C3: variants seen among roughly 807,000 people sequenced by gnomAD.
The protein encoded by C3 is C3 and PZP-like alpha-2-macroglobulin domain-containing protein 1.
C3 carries 97 observed loss-of-function variants against 207.9 expected under a neutral mutation model. That is an observed-to-expected ratio of 0.47 (90% CI 0.40 to 0.55). The LOEUF is 0.55. Ranked by LOEUF, C3 falls within the 20% of genes least tolerant of loss-of-function variation. The pLI is 0.00. For synonymous variants in C3, 848 were observed against 857.6 expected, an observed-to-expected ratio of 0.99 and a Z score of 0.20; for missense variants, 1,684 against 2,171.7, an observed-to-expected ratio of 0.78 and a Z score of 4.46.
At chr19:6,718,530 T>G in intron 2 of C3, 118 bp from the exon 3 acceptor site, 1 of 1,208,240 alleles carries the variant, frequency 8.3e-7, no homozygotes, top group Non-Finnish European at 1.2e-6. Context: ...TCTTCCGAGG[T>G]GGCCGTTTTG....
rs772989171 is a variant in C3 at position 6,707,834 on chromosome 19, C to T, written c.1941G>A (p.Thr647=). 1.7e-5 allele frequency: 27 copies of T among 1,613,778 alleles called. No individual in the cohort carries two copies. The highest frequency in any genetic ancestry group is 1.6e-4 in the Middle Eastern group (1 of 6,062). ...GGGCGGTCTGCTGGCCACTGCTGCTCGTGAAGGTCAGCCCTGCGTCGGAGA... is the reference window on the plus strand; with the variant it reads ...GGGCGGTCTGCTGGCCACTGCTGCTTGTGAAGGTCAGCCCTGCGTCGGAGA... ...GVFSDAGLTF[T]SSSGQQTAQR... is the part of the protein sequence containing the mutation. The change falls in exon 15 of 41, where the codon ACG becomes ACA. Residue 647 remains threonine (T), a synonymous_variant. Coordinates refer to ENST00000245907, the MANE Select transcript of C3 (RefSeq NM_000064.4).
chr19:6,698,322 C>G (rs998262015), intron 19 of C3, among the ~76,000 whole-genome samples: 1 of 151,916 alleles, frequency 6.6e-6, no homozygotes, highest in African/African-American at 2.4e-5. Flanking sequence ...CCGGAGTTAC[C>G]ACTATTTAAT....
At chr19:6,700,569 GATATATTATATATGTAATATATAATA>G (rs1967641794) in intron 19 of C3, among the ~76,000 whole-genome samples, 2 of 29,778 alleles carry the variant, frequency 6.7e-5, no homozygotes, top group African/African-American at 4.1e-4. Flanking sequence ...TGTAATATAT[GATATATTATATATGTAATATATAATA>G]TATGATATAT....
At chr19:6,684,537 G>A in intron 32 of C3, 23 bp downstream of exon 32, 1 of 1,598,530 alleles carries the variant, frequency 6.3e-7, no homozygotes, top group Non-Finnish European at 8.6e-7. Flanking sequence ...GAAGGTGACA[G>A]ATAAGGCCTT....
chr19:6,715,278 C>T (rs1390508246), intron 4 of C3, among the ~76,000 whole-genome samples: 1 of 152,124 alleles, frequency 6.6e-6, no homozygotes, highest in Non-Finnish European at 1.5e-5. Context: ...GGTTCAAGAC[C>T]AGCCTGGGAA....
chr19:6,719,485 G>T lies in C3; in HGVS notation c.75-82C>A. ...CCTCACTGGAGTCAGCGCCTGGCAG[G>T]CTGTGTGCCCCAGCCTCTGGTCCTG... On this transcript the variant is annotated intron_variant, in intron 1 of 40. Transcript: ENST00000245907. The surrounding 1 kb of genome is among the most constrained non-coding windows in gnomAD (Gnocchi z 5.4). 2.3e-6 allele frequency: 3 copies of T among 1,282,590 alleles called. No individual in the cohort carries two copies. The highest frequency in any genetic ancestry group is 2.4e-5 in the East Asian group (1 of 42,400). The allele number at this position is 1,282,590 out of a possible 1,614,324, so 79.5% of individuals were successfully genotyped here.
intron 1 of C3, among the ~76,000 whole-genome samples, chr19:6,720,052 C>T (rs1287592098): frequency 3.9e-5 from 6 of 152,236 alleles, no homozygotes; most frequent in East Asian, 3.9e-4. Flanking sequence ...TCCAAACCTC[C>T]GAGTCTCCAA....
At chr19:6,679,834 G>C (rs1467882877) in intron 36 of C3, among the ~76,000 whole-genome samples, 1 of 151,886 alleles carries the variant, frequency 6.6e-6, no homozygotes, top group East Asian at 1.9e-4. Flanking sequence ...AAGACCCTGA[G>C]ACCCCTGAAC....
At chr19:6,720,475 C>T (rs1419100950) in intron 1 of C3, 41 bp downstream of exon 1, 1 of 1,468,010 alleles carries the variant, frequency 6.8e-7, no homozygotes, top group Admixed American at 1.9e-5. Context: ...GCTTCCACCC[C>T]AGAACCAGCC....
chr19:6,689,331 C>CCCTA (rs1568213447), intron 27 of C3, among the ~76,000 whole-genome samples: 1 of 46,462 alleles, frequency 2.2e-5, no homozygotes, highest in Non-Finnish European at 4.0e-5. Context: ...CTACCTACCT[C>CCCTA]CCTCCCTCCC....
rs1199976780 is a variant in C3, at chr19:6,678,132, C to G, written c.4850+20G>C. ...CGGGGCAGTCGGGCGGTCGCGCGCA[C>G]GCGCAGGGAAAGCACTCACTTGGGC... is the stretch of plus-strand genomic sequence containing the variant. On this transcript the variant is annotated intron_variant, in intron 40 of 40. Coordinates refer to ENST00000245907, the MANE Select transcript of C3 (RefSeq NM_000064.4). 2 of 1,614,108 alleles carry G rather than the reference C, an allele frequency of 1.2e-6. No homozygotes were observed. The highest frequency in any genetic ancestry group is 1.7e-6 in the Non-Finnish European group (2 of 1,180,024).
chr19:6,688,394 A>G (rs547852890), intron 27 of C3, among the ~76,000 whole-genome samples: 1 of 152,354 alleles, frequency 6.6e-6, no homozygotes, highest in South Asian at 2.1e-4. Flanking sequence ...TTGGCTTCCC[A>G]AAGTGCCGGG....
At chr19:6,709,611 T>TCACCCCCCC in intron 14 of C3, 73 bp downstream of exon 14, 1 of 1,109,450 alleles carries the variant, frequency 9.0e-7, no homozygotes. Flanking sequence ...CCCTCTCCAG[T>TCACCCCCCC]CCCACCCACC....
intron 19 of C3, among the ~76,000 whole-genome samples, chr19:6,701,646 G>A (rs760533794): frequency 3.9e-5 from 6 of 151,918 alleles, no homozygotes; most frequent in South Asian, 2.1e-4. Flanking sequence ...TCAGCCTCCC[G>A]AGTAGCTGGG....
At position 6,697,447 on chromosome 19, in the gene C3, T is replaced by C; in HGVS notation, c.2693A>G (p.Tyr898Cys). Residue 898 changes from tyrosine to cysteine, a missense_variant, in exon 21 of 41, where the codon TAT becomes TGT. Physicochemically the swap from Tyr to Cys is radical, Grantham distance 194 (BLOSUM62 -2). Transcript: ENST00000245907. ...GCCGGTCTTTAGCGGCACGATGACA[T>C]ATGGAACGGACAACGAGGACTTGGG... ...IPPKSSLSVP[Y>C]VIVPLKTGLQ... 1.9e-6 allele frequency: 3 copies of C among 1,613,524 alleles called. No homozygotes were observed. The highest frequency in any genetic ancestry group is 1.7e-6 in the Non-Finnish European group (2 of 1,179,962).
rs889838721 is a variant in C3, at chr19:6,679,441, C to T, written c.4512G>A (p.Lys1504=). ...AGCGGCACAGTTCATCACGGCAGAGCTTGTTCAGCTTTCCATCCTCCTTTT... is the reference window on the plus strand; with the variant it reads ...AGCGGCACAGTTCATCACGGCAGAGTTTGTTCAGCTTTCCATCCTCCTTTT... ...HPEKEDGKLN[K]LCRDELCRCA... The change falls in exon 37 of 41, where the codon AAG becomes AAA. Residue 1504 remains lysine, a synonymous_variant. Coordinates refer to ENST00000245907, the MANE Select transcript of C3 (RefSeq NM_000064.4). 3.7e-6 allele frequency: 6 copies of T among 1,613,918 alleles called. No individual in the cohort carries two copies. In the African/African-American group the frequency reaches 4.0e-5, roughly 11 times the overall value.
In C3 at chr19:6,714,015, G is replaced by A; in HGVS notation, c.750C>T (p.Gly250=). ...EKFYYIYNEK[G]LEVTITARFL... ...ACCTGGCGGTGATGGTGACCTCCAG[G>A]CCCTTCTCGTTATAGATGTAGTAGA... The change falls in exon 7 of 41, where the codon GGC becomes GGT. Residue 250 remains glycine (G), a synonymous_variant. Coordinates refer to ENST00000245907, the MANE Select transcript of C3 (RefSeq NM_000064.4). 6.2e-7 allele frequency: 1 copy of A among 1,609,108 alleles called. No homozygotes were observed. Among genetic ancestry groups the A allele is most frequent in the Non-Finnish European group, 8.5e-7 (1 of 1,178,574 alleles).
rs749341352 is a variant in C3 at position 6,718,305 on chromosome 19, C to A, written c.375G>T (p.Leu125=). ...QVVEKVVLVS[L]QSGYLFIQTD... is the part of the protein sequence containing the mutation. The stretch of plus-strand genomic sequence containing the variant: ...TCTGGATGAAGAGGTACCCGCTCTG[C>A]AGGCTGACCAGCACCACCTTCTCCA... Residue 125 remains leucine (L), a synonymous_variant, in exon 3 of 41, where the codon CTG becomes CTT. Coordinates refer to ENST00000245907, the MANE Select transcript of C3 (RefSeq NM_000064.4). The A allele has an allele frequency of 6.2e-7, 1 of 1,614,248 alleles. No homozygotes were observed. The highest frequency in any genetic ancestry group is 8.5e-7 in the Non-Finnish European group (1 of 1,180,038).
At chr19:6,717,064 C>T (rs539399799) in intron 4 of C3, 12 of 151,728 alleles carry the variant, frequency 7.9e-5, no homozygotes, top group Middle Eastern at 4.0e-3. Context: ...GAAGAGTGAA[C>T]GAGGGGGAGA....
Sources: allele counts gnomAD v4.1 joint callset (sites outside exome capture counted in the v4.1 genomes callset), GRCh38; gene constraint gnomAD v4.1.1; non-coding constraint Gnocchi (gnomAD v3.1); transcripts MANE v1.5; gene names NCBI Gene and HGNC (gene_info 2026-07-23, HGNC 2026-07-21).